The following CHD9NB variants were observed in gnomAD, a reference collection of about 807,000 sequenced individuals.
CHD9NB encodes CHD9 neighbor protein.
the CHD9NB span, among the ~76,000 whole-genome samples, chr16:53,045,995 C>CT: frequency 6.6e-6 from 1 of 152,150 alleles, no homozygotes; most frequent in African/African-American, 2.4e-5. Flanking sequence ...CAAAACTCCC[C>CT]TATAAATCAG....
At chr16:53,035,906 A>G in the CHD9NB span, 2 of 151,626 alleles carry the variant, frequency 1.3e-5, no homozygotes, top group Admixed American at 1.3e-4. Context: ...TTGGAGCTGC[A>G]GTGAGCTGTG....
the CHD9NB span, among the ~76,000 whole-genome samples, chr16:53,040,535 A>G: frequency 1.3e-5 from 2 of 152,134 alleles, no homozygotes; most frequent in African/African-American, 2.4e-5. Flanking sequence ...TCTAATTCCA[A>G]CTTACTCTTG....
the CHD9NB span, among the ~76,000 whole-genome samples, chr16:53,049,322 T>TTGTGTGTGTGTG: frequency 1.8e-3 from 268 of 144,992 alleles, 4 homozygotes; most frequent in African/African-American, 6.7e-3. Flanking sequence ...CCCCCAGCTG[T>TTGTGTGTGTGTG]TGTGTGTGTG....
At chr16:53,040,078 T>C in the CHD9NB span, among the ~76,000 whole-genome samples, 43,325 of 151,858 alleles carry the variant, frequency 0.29, 6,310 homozygotes, top group Middle Eastern at 0.46. Context: ...TGATCCCTTT[T>C]TTTTTGGTAC....
At chr16:53,045,996 T>C in the CHD9NB span, among the ~76,000 whole-genome samples, 1 of 152,134 alleles carries the variant, frequency 6.6e-6, no homozygotes, top group East Asian at 1.9e-4. Context: ...AAAACTCCCC[T>C]ATAAATCAGC....
At chr16:53,052,672 T>G in the CHD9NB span, 1 of 152,584 alleles carries the variant, frequency 6.6e-6, no homozygotes, top group Non-Finnish European at 1.5e-5. Context: ...GGGAGGGAGC[T>G]GTTGCAAAGA....
the CHD9NB span, among the ~76,000 whole-genome samples, chr16:53,037,307 C>T: frequency 6.6e-6 from 1 of 152,204 alleles, no homozygotes; most frequent in African/African-American, 2.4e-5. Flanking sequence ...CCGCTGTGTT[C>T]TGATGACTCT....
chr16:53,043,050 A>T, the CHD9NB span: 1 of 152,224 alleles, frequency 6.6e-6, no homozygotes, highest in Non-Finnish European at 1.5e-5. Flanking sequence ...TGATACTCTT[A>T]ATCTCAGATC....
chr16:53,041,877 C>G, the CHD9NB span, among the ~76,000 whole-genome samples: 1 of 152,152 alleles, frequency 6.6e-6, no homozygotes, highest in Non-Finnish European at 1.5e-5. Context: ...AGCTGCAAGC[C>G]CAGGCCTGTT....
the CHD9NB span, among the ~76,000 whole-genome samples, chr16:53,049,052 T>C: frequency 2.0e-5 from 3 of 152,120 alleles, no homozygotes; most frequent in African/African-American, 7.2e-5. Flanking sequence ...AGAGATGGGG[T>C]CGCACTATGT....
chr16:53,051,735 T>C, the CHD9NB span, among the ~76,000 whole-genome samples: 2 of 143,230 alleles, frequency 1.4e-5, no homozygotes, highest in Admixed American at 1.4e-4. Context: ...AACCTGCACA[T>C]TGTGCACCTG....
At chr16:53,052,681 G>A in the CHD9NB span, 1 of 152,476 alleles carries the variant, frequency 6.6e-6, no homozygotes. Flanking sequence ...CTGTTGCAAA[G>A]ATGGGGCAAG....
At chr16:53,036,296 A>G in the CHD9NB span, among the ~76,000 whole-genome samples, 1 of 152,238 alleles carries the variant, frequency 6.6e-6, no homozygotes, top group Admixed American at 6.5e-5. Context: ...GATAGCATTT[A>G]TAAAGCATCT....
chr16:53,043,733 G>C, the CHD9NB span: 1 of 293,752 alleles, frequency 3.4e-6, no homozygotes. Context: ...GCATCCAGAA[G>C]TTGCAGGAAA....
chr16:53,049,724 A>G, the CHD9NB span, among the ~76,000 whole-genome samples: 2 of 152,166 alleles, frequency 1.3e-5, no homozygotes, highest in Non-Finnish European at 2.9e-5. Context: ...TCCCTTCCCA[A>G]GAGTACAATT....
At chr16:53,036,234 C>T in the CHD9NB span, among the ~76,000 whole-genome samples, 2 of 152,128 alleles carry the variant, frequency 1.3e-5, no homozygotes, top group Admixed American at 1.3e-4. Context: ...CTGTCTCACC[C>T]GTAAGGTATG....
the CHD9NB span, among the ~76,000 whole-genome samples, chr16:53,037,553 T>C: frequency 6.6e-6 from 1 of 152,224 alleles, no homozygotes; most frequent in Non-Finnish European, 1.5e-5. Flanking sequence ...GGCTTTTTGT[T>C]GCTAATAAAT....
chr16:53,047,480 C>A, the CHD9NB span, among the ~76,000 whole-genome samples: 1 of 152,128 alleles, frequency 6.6e-6, no homozygotes, highest in African/African-American at 2.4e-5. Context: ...GGTGTGGGCT[C>A]CCTTCCTGGC....
At chr16:53,052,662 G>C in the CHD9NB span, 1 of 152,520 alleles carries the variant, frequency 6.6e-6, no homozygotes, top group African/African-American at 2.4e-5. Flanking sequence ...CACAGTGGTG[G>C]GGAGGGAGCT....
Sources: gnomAD v4.1 joint callset for allele counts (sites outside exome capture counted in the v4.1 genomes callset) on GRCh38, gnomAD v4.1.1 for gene constraint, MANE v1.5 for transcripts, NCBI Gene and HGNC (gene_info 2026-07-23, HGNC 2026-07-21) for gene names.